The following JPH1 variants were observed in gnomAD, a reference collection of about 807,000 sequenced individuals.
JPH1 encodes junctophilin 1.
In JPH1, 12 loss-of-function variants were observed where a neutral mutation model predicts 53.6. That is an observed-to-expected ratio of 0.22 (90% confidence interval 0.14 to 0.36). JPH1 has a LOEUF of 0.36. Ranked by LOEUF, JPH1 falls within the 10% of genes least tolerant of loss-of-function variation. The pLI, the probability that JPH1 is intolerant of heterozygous loss-of-function variation, is 1.00. For missense variants in JPH1, 808 were observed against 905.5 expected (o/e 0.89, Z 1.38); for synonymous variants, 375 against 363.8 (o/e 1.03, Z -0.35).
chr8:74,314,246 T>A (rs771052906), intron 2 of JPH1, among the ~76,000 whole-genome samples: 2 of 152,248 alleles, frequency 1.3e-5, no homozygotes, highest in Non-Finnish European at 2.9e-5. Context: ...GCCTTTCCCA[T>A]GTAGCTGTTG....
intron 2 of JPH1, among the ~76,000 whole-genome samples, chr8:74,271,901 T>G (rs2131407263): frequency 6.6e-6 from 1 of 152,250 alleles, no homozygotes; most frequent in Middle Eastern, 3.4e-3. Flanking sequence ...CAGACAGGGC[T>G]TCTTCCAAGA....
intron 2 of JPH1, among the ~76,000 whole-genome samples, chr8:74,279,374 A>G (rs1272566697): frequency 6.6e-6 from 1 of 152,230 alleles, no homozygotes; most frequent in Non-Finnish European, 1.5e-5. Flanking sequence ...ATGACATCAA[A>G]GACTTCCCAG....
At chr8:74,295,413 A>C (rs1212116497) in intron 2 of JPH1, among the ~76,000 whole-genome samples, 1 of 152,176 alleles carries the variant, frequency 6.6e-6, no homozygotes, top group East Asian at 1.9e-4. Context: ...GAACACTCTG[A>C]GGACGAACAC....
At chr8:74,307,681 C>A (rs559228391) in intron 2 of JPH1, among the ~76,000 whole-genome samples, 41 of 152,136 alleles carry the variant, frequency 2.7e-4, no homozygotes, top group African/African-American at 9.6e-4. Flanking sequence ...GTGCTAATTA[C>A]TGAAAATTAA....
chr8:74,307,319 C>T (rs939398383), intron 2 of JPH1, among the ~76,000 whole-genome samples: 1 of 152,176 alleles, frequency 6.6e-6, no homozygotes, highest in Admixed American at 6.5e-5. Flanking sequence ...CCGTGATACC[C>T]ACTCTCCCAT....
At position 74,235,981 on chromosome 8, in the gene JPH1, C is replaced by A. The variant is rs1335945999; in HGVS notation, c.*1070G>T. Reference sequence around the variant, plus strand: ...ACTTTCATGGGAATTAACACAGCCACCGACAAGATTTTATTTGGTTGTAAA... The same window carrying A: ...ACTTTCATGGGAATTAACACAGCCAACGACAAGATTTTATTTGGTTGTAAA... On this transcript the variant is annotated 3_prime_UTR_variant, in exon 6 of 6. Coordinates refer to ENST00000342232, the MANE Select transcript of JPH1 (RefSeq NM_020647.4). 1 of 152,164 alleles carries A rather than the reference C, an allele frequency of 6.6e-6. No individual in the cohort carries two copies. The highest frequency in any genetic ancestry group is 2.4e-5 in the African/African-American group (1 of 41,446). 9.4% of individuals were successfully genotyped at this position (152,164 alleles called of 1,614,324 possible).
chr8:74,276,681 C>A (rs2131413801), intron 2 of JPH1, among the ~76,000 whole-genome samples: 1 of 152,270 alleles, frequency 6.6e-6, no homozygotes, highest in South Asian at 2.1e-4. Flanking sequence ...GCAAGGGTGA[C>A]CTGAAGGTAA....
chr8:74,300,770 G>A (rs1266388042), intron 2 of JPH1, among the ~76,000 whole-genome samples: 1 of 152,146 alleles, frequency 6.6e-6, no homozygotes, highest in Non-Finnish European at 1.5e-5. Context: ...CAGGCGAAAG[G>A]AGAGGAATTC....
chr8:74,242,460 T>C (rs1255176302), intron 4 of JPH1, among the ~76,000 whole-genome samples: 4 of 152,246 alleles, frequency 2.6e-5, no homozygotes, highest in African/African-American at 9.6e-5. Context: ...AGAGCTGGGA[T>C]GTGAACCGAG....
intron 2 of JPH1, among the ~76,000 whole-genome samples, chr8:74,273,634 T>C (rs1355814842): frequency 6.6e-6 from 1 of 152,216 alleles, no homozygotes. Context: ...ACAGGGCTAT[T>C]ATGTAATTCA....
At position 74,237,255 on chromosome 8, in the gene JPH1, A is replaced by G. The variant is rs755541931; in HGVS notation, c.1954T>C (p.Leu652=). ...AGAAAGTGAACAAAAAGAATGGCCA[A>G]CCCGATATTCAACAGCATGACAAGG... ...IVLVMLLNIG[L]AILFVHFLT The change falls in exon 5 of 6, where the codon TTG becomes CTG. Residue 652 remains leucine (L), a synonymous_variant. Transcript: ENST00000342232. 6.2e-6 allele frequency: 10 copies of G among 1,613,766 alleles called. No individual in the cohort carries two copies. Among genetic ancestry groups the G allele is most frequent in the Non-Finnish European group, 7.6e-6 (9 of 1,179,850 alleles).
At chr8:74,313,982 C>A (rs1044776450) in intron 2 of JPH1, among the ~76,000 whole-genome samples, 2 of 152,184 alleles carry the variant, frequency 1.3e-5, no homozygotes, top group African/African-American at 4.8e-5. Context: ...CTGAAACCAG[C>A]TATTAATGGT....
intron 3 of JPH1, among the ~76,000 whole-genome samples, chr8:74,257,822 CCTTGGA>C (rs1375806449): frequency 6.6e-6 from 1 of 151,956 alleles, no homozygotes; most frequent in Non-Finnish European, 1.5e-5. Context: ...TCAGTGGTTG[CCTTGGA>C]CTTGAACTCT....
intron 3 of JPH1, among the ~76,000 whole-genome samples, chr8:74,256,325 A>T (rs1464494859): frequency 6.9e-6 from 1 of 144,728 alleles, no homozygotes; most frequent in African/African-American, 2.5e-5. Context: ...TCTCACTCAT[A>T]GGTGGGAATT....
intron 2 of JPH1, among the ~76,000 whole-genome samples, chr8:74,285,918 G>T (rs1807151176): frequency 1.3e-5 from 2 of 152,196 alleles, no homozygotes; most frequent in South Asian, 4.1e-4. Context: ...GATTTGGTCA[G>T]CTGGAGTGAG....
At chr8:74,263,261 T>C (rs952257721) in intron 2 of JPH1, among the ~76,000 whole-genome samples, 1 of 152,198 alleles carries the variant, frequency 6.6e-6, no homozygotes, top group Non-Finnish European at 1.5e-5. Context: ...TTTTATATAG[T>C]CTTTTCTCAA....
chr8:74,278,656 T>C (rs1806917851), intron 2 of JPH1, among the ~76,000 whole-genome samples: 2 of 152,228 alleles, frequency 1.3e-5, no homozygotes. Flanking sequence ...TGACCCGGAC[T>C]AATGCACTTA....
intron 2 of JPH1, among the ~76,000 whole-genome samples, chr8:74,278,117 T>C (rs1378762854): frequency 2.6e-5 from 4 of 152,184 alleles, no homozygotes; most frequent in Admixed American, 6.5e-5. Context: ...TTCCGATGTG[T>C]TGTGGGAGGG....
rs745357254 is a variant in JPH1 at position 74,314,810 on chromosome 8, C to T, written c.1139+51G>A. ...AGATAGACAAACATAATATTTGATA[C>T]TCCATTGTTCTGACCAACCCAGCAA... On this transcript the variant is annotated intron_variant, in intron 2 of 5. Transcript: ENST00000342232. 4.5e-5 allele frequency: 71 copies of T among 1,584,468 alleles called. No homozygotes were observed. The South Asian group carries it at 7.3e-4, about 16-fold the overall frequency.
Sources: allele counts gnomAD v4.1 joint callset (sites outside exome capture counted in the v4.1 genomes callset), GRCh38; gene constraint gnomAD v4.1.1; transcripts MANE v1.5; gene names NCBI Gene and HGNC (gene_info 2026-07-23, HGNC 2026-07-21).